ESRRG: variants seen among roughly 807,000 people sequenced by gnomAD.
The protein encoded by ESRRG is estrogen-related receptor gamma.
Under a neutral mutation model 44.0 loss-of-function variants are expected in ESRRG, and 13 were observed. That is an observed-to-expected ratio of 0.30 (90% CI 0.19 to 0.47). ESRRG has a LOEUF of 0.47. ESRRG is among the 20% of genes least tolerant of loss of function. The pLI, the probability that ESRRG is intolerant of heterozygous loss-of-function variation, is 1.00. For missense variants in ESRRG, 395 were observed against 580.6 expected (o/e 0.68, Z 3.29); for synonymous variants, 215 against 214.6 (o/e 1.00, Z -0.02).
intron 2 of ESRRG, among the ~76,000 whole-genome samples, chr1:216,877,418 T>C (rs899942341): frequency 6.6e-6 from 1 of 151,558 alleles, no homozygotes; most frequent in Non-Finnish European, 1.5e-5. Context: ...TGTTTGTTTG[T>C]TTTGAGACAG....
At position 216,859,710 on chromosome 1, in the gene ESRRG, C is replaced by T. The variant is rs565443487; in HGVS notation, c.-14+79872G>A. Among the ~76,000 whole-genome samples the T allele has an allele frequency of 4.6e-5, 7 of 152,158 alleles. No homozygotes were observed. In the East Asian group the frequency reaches 1.4e-3, roughly 29 times the overall value. On this transcript the variant is annotated intron_variant, in intron 2 of 7. Coordinates refer to the ESRRG transcript ENST00000359162. ...GTAAATAATTAGCTGTAGACTGAGCCCTGTTCCAGTCTACCTAACAAATAT... is the reference window on the plus strand; with the variant it reads ...GTAAATAATTAGCTGTAGACTGAGCTCTGTTCCAGTCTACCTAACAAATAT...
intron 2 of ESRRG, among the ~76,000 whole-genome samples, chr1:216,874,455 T>C (rs1421745172): frequency 6.6e-6 from 1 of 152,158 alleles, no homozygotes; most frequent in African/African-American, 2.4e-5. Context: ...ATATAATAAA[T>C]ACCAGTGTAC....
intron 1 of ESRRG, among the ~76,000 whole-genome samples, chr1:217,079,981 A>G (rs544558419): frequency 6.6e-6 from 1 of 152,306 alleles, no homozygotes; most frequent in South Asian, 2.1e-4. Flanking sequence ...TACTAATGGG[A>G]AAACTTTGGC....
intron 1 of ESRRG, among the ~76,000 whole-genome samples, chr1:216,965,222 G>A (rs370901847): frequency 2.0e-5 from 3 of 151,704 alleles, no homozygotes; most frequent in African/African-American, 7.3e-5. Flanking sequence ...AATCCCTCAG[G>A]ACACATCTTT....
chr1:216,829,395 T>A (rs2095449016), intron 2 of ESRRG, among the ~76,000 whole-genome samples: 1 of 152,098 alleles, frequency 6.6e-6, no homozygotes, highest in South Asian at 2.1e-4. Flanking sequence ...TCCATTTAGT[T>A]CCTTACAACT....
chr1:217,127,062 G>T (rs972888761), intron 1 of ESRRG, among the ~76,000 whole-genome samples: 2 of 152,132 alleles, frequency 1.3e-5, no homozygotes, highest in African/African-American at 4.8e-5. Flanking sequence ...TCCAATTACG[G>T]GGTGTCAACT....
intron 1 of ESRRG, among the ~76,000 whole-genome samples, chr1:216,719,515 T>C (rs1475891806): frequency 6.6e-6 from 1 of 152,064 alleles, no homozygotes; most frequent in Non-Finnish European, 1.5e-5. Context: ...AAACCTTCTT[T>C]TCTTTTCTTT....
chr1:216,746,662 T>TA (rs1450838669), intron 2 of ESRRG, among the ~76,000 whole-genome samples: 1 of 152,188 alleles, frequency 6.6e-6, no homozygotes, highest in Non-Finnish European at 1.5e-5. Flanking sequence ...TATAGCTGAT[T>TA]AGTGACCTGT....
chr1:216,676,948 T>C, intron 2 of ESRRG, 128 bp downstream of exon 2: 1 of 668,808 alleles, frequency 1.5e-6, no homozygotes, highest in Non-Finnish European at 2.5e-6. Flanking sequence ...TTGTAATCTA[T>C]TTCCATTTTC....
At chr1:216,693,188 T>G (rs571294620) in intron 1 of ESRRG, among the ~76,000 whole-genome samples, 1 of 152,364 alleles carries the variant, frequency 6.6e-6, no homozygotes, top group Non-Finnish European at 1.5e-5. Flanking sequence ...CACTCCTTCC[T>G]TTAGGCTCAT....
chr1:217,053,642 T>C (rs2086550298), intron 1 of ESRRG, among the ~76,000 whole-genome samples: 1 of 152,176 alleles, frequency 6.6e-6, no homozygotes, highest in South Asian at 2.1e-4. Context: ...CAAAATGAGT[T>C]CTTGTGTTCC....
At chr1:216,576,541 T>A (rs1022850200) in intron 3 of ESRRG, among the ~76,000 whole-genome samples, 7 of 152,046 alleles carry the variant, frequency 4.6e-5, no homozygotes, top group Non-Finnish European at 8.8e-5. Flanking sequence ...CGGATTCAAG[T>A]TGCATCCAAA....
chr1:217,087,700 T>C (rs1263880720), intron 1 of ESRRG, among the ~76,000 whole-genome samples: 1 of 152,250 alleles, frequency 6.6e-6, no homozygotes, highest in Non-Finnish European at 1.5e-5. Flanking sequence ...TTATGTGCTA[T>C]GTGATACCAT....
chr1:216,625,789 A>C (rs2063088868), intron 3 of ESRRG, among the ~76,000 whole-genome samples: 1 of 152,212 alleles, frequency 6.6e-6, no homozygotes, highest in African/African-American at 2.4e-5. Flanking sequence ...TACAGTGCTT[A>C]GAGGTGGACA....
intron 1 of ESRRG, among the ~76,000 whole-genome samples, chr1:217,040,444 A>T (rs973987334): frequency 2.0e-5 from 3 of 152,140 alleles, no homozygotes; most frequent in African/African-American, 7.2e-5. Context: ...CTGCCCTTGG[A>T]CTAGAATTTC....
intron 3 of ESRRG, among the ~76,000 whole-genome samples, chr1:216,616,781 C>T (rs1333932095): frequency 6.6e-6 from 1 of 152,188 alleles, no homozygotes; most frequent in Non-Finnish European, 1.5e-5. Context: ...AGATACAGGG[C>T]AGGTTTTCAC....
intron 1 of ESRRG, among the ~76,000 whole-genome samples, chr1:216,969,054 G>A (rs1447049578): frequency 6.6e-6 from 1 of 152,022 alleles, no homozygotes; most frequent in African/African-American, 2.4e-5. Context: ...GAAATCTCAG[G>A]TCTGAGTATT....
At position 216,777,287 on chromosome 1, in the gene ESRRG, T is replaced by C. The variant is rs558098462; in HGVS notation, c.-13-99796A>G. Among the ~76,000 whole-genome samples the C allele has an allele frequency of 4.6e-5, 7 of 152,208 alleles. No individual in the cohort carries two copies. In the East Asian group the frequency reaches 9.7e-4, roughly 21 times the overall value. On this transcript the variant is annotated intron_variant, in intron 2 of 7. Transcript: ENST00000359162. ...GATTTCAGTCTGTGAGAGATGGTGT[T>C]CCGAGGCAATGCTAAGAGTCTGCCT...
chr1:216,837,271 C>T (rs570689812), intron 2 of ESRRG, among the ~76,000 whole-genome samples: 19 of 151,722 alleles, frequency 1.3e-4, no homozygotes, highest in Non-Finnish European at 1.8e-4. Context: ...ATTAGCCAGG[C>T]GTGGTGGTGA....
Sources: allele counts gnomAD v4.1 joint callset (sites outside exome capture counted in the v4.1 genomes callset), GRCh38; gene constraint gnomAD v4.1.1; transcripts MANE v1.5; gene names NCBI Gene and HGNC (gene_info 2026-07-23, HGNC 2026-07-21).